The following ZSWIM4 variants were observed in gnomAD, a reference collection of about 807,000 sequenced individuals.
ZSWIM4 encodes the protein zinc finger SWIM-type containing 4, also known as zinc finger SWIM domain-containing protein 4.
Under a neutral mutation model 102.5 loss-of-function variants are expected in ZSWIM4, and 62 were observed. The ratio of observed to expected loss-of-function variants is 0.60; its 90% CI spans 0.49 to 0.75. ZSWIM4 has a LOEUF of 0.75. Ranked by LOEUF, ZSWIM4 falls within the 30% of genes least tolerant of loss-of-function variation. The pLI is 0.00. For missense variants in ZSWIM4, 1,280 were observed against 1,529.6 expected (o/e 0.84, Z 2.72); for synonymous variants, 652 against 674.5 (o/e 0.97, Z 0.52).
intron 3 of ZSWIM4, among the ~76,000 whole-genome samples, chr19:13,807,615 G>GATGGATGT (rs1286895713): frequency 2.7e-5 from 4 of 148,214 alleles, no homozygotes; most frequent in African/African-American, 5.2e-5. Context: ...TGGATGGATG[G>GATGGATGT]ATGAATATTA....
In ZSWIM4 at chr19:13,819,463, G is replaced by A; in HGVS notation, c.2031G>A (p.Leu677=). 6.2e-7 allele frequency: 1 copy of A among 1,608,170 alleles called. No homozygotes were observed. The highest frequency in any genetic ancestry group is 8.5e-7 in the Non-Finnish European group (1 of 1,177,494). The change falls in exon 10 of 14, where the codon CTG becomes CTA. Residue 677 remains leucine, a synonymous_variant. Coordinates refer to ENST00000590508, the MANE Select transcript of ZSWIM4 (RefSeq NM_001367834.3). The part of the protein sequence containing the change: ...FTALLPHDPD[L]AYRLALRAMR... Reference sequence around the variant, plus strand: ...CACTGCTGCCTCATGACCCGGACCTGGCCTATCGCCTCGCGCTGCGAGCTA... The same window carrying A: ...CACTGCTGCCTCATGACCCGGACCTAGCCTATCGCCTCGCGCTGCGAGCTA...
chr19:13,824,603 G>C (rs1442170932), intron 11 of ZSWIM4, among the ~76,000 whole-genome samples: 1 of 151,566 alleles, frequency 6.6e-6, no homozygotes. Context: ...GTGGTGACCG[G>C]CACCTGTAAT....
intron 2 of ZSWIM4, among the ~76,000 whole-genome samples, chr19:13,803,531 C>T (rs557420984): frequency 6.6e-6 from 1 of 151,824 alleles, no homozygotes; most frequent in Non-Finnish European, 1.5e-5. Flanking sequence ...CCTATAATCC[C>T]AGCACTTTGG....
At chr19:13,807,988 A>G (rs895276987) in intron 3 of ZSWIM4, among the ~76,000 whole-genome samples, 4 of 152,174 alleles carry the variant, frequency 2.6e-5, no homozygotes, top group Admixed American at 6.6e-5. Context: ...CAGGAAACTT[A>G]CAATCATGGC....
At chr19:13,802,174 C>T (rs1325426643) in intron 2 of ZSWIM4, among the ~76,000 whole-genome samples, 2 of 150,532 alleles carry the variant, frequency 1.3e-5, no homozygotes, top group African/African-American at 4.9e-5. Flanking sequence ...GACGGCGTTT[C>T]ACCGTGTTAG....
intron 7 of ZSWIM4, 101 bp from the exon 8 acceptor site, chr19:13,817,115 T>G: frequency 6.8e-7 from 1 of 1,465,536 alleles, no homozygotes; most frequent in Non-Finnish European, 9.1e-7. Context: ...TGGTGGGCAT[T>G]ATGGGGCTAG....
intron 10 of ZSWIM4, among the ~76,000 whole-genome samples, chr19:13,822,206 AG>A: frequency 7.3e-6 from 1 of 137,548 alleles, no homozygotes; most frequent in Admixed American, 7.5e-5. Flanking sequence ...ACACACACAC[AG>A]TTTGGAGTGT....
In ZSWIM4 at chr19:13,808,887, A is replaced by G; in HGVS notation, c.764A>G (p.His255Arg). The change falls in exon 4 of 14, where the codon CAC becomes CGC. Residue 255 changes from histidine to arginine, a missense_variant. Physicochemically the swap from His to Arg is conservative, Grantham distance 29. Transcript: ENST00000590508. Reference sequence around the variant, plus strand: ...GGAATCGAGGACGCCAACTGCTGGCACCTGGACGAGGAGCAGATCCAGGAG... The same window carrying G: ...GGAATCGAGGACGCCAACTGCTGGCGCCTGGACGAGGAGCAGATCCAGGAG... ...GAGIEDANCW[H>R]LDEEQIQEQV... 6.2e-7 allele frequency: 1 copy of G among 1,612,232 alleles called. No individual in the cohort carries two copies. The highest frequency in any genetic ancestry group is 8.5e-7 in the Non-Finnish European group (1 of 1,179,386).
chr19:13,801,165 A>AAAAG (rs1974762315), intron 2 of ZSWIM4, among the ~76,000 whole-genome samples: 1 of 150,970 alleles, frequency 6.6e-6, no homozygotes, highest in Admixed American at 6.6e-5. Context: ...GAAAAAAAAA[A>AAAAG]AGGAAGAGAG....
chr19:13,797,366 T>G (rs1974639454), intron 1 of ZSWIM4, among the ~76,000 whole-genome samples: 1 of 152,100 alleles, frequency 6.6e-6, no homozygotes, highest in Non-Finnish European at 1.5e-5. Flanking sequence ...TTCCCAGGGA[T>G]GGGGCATGGA....
rs560082993 is a variant in ZSWIM4, at chr19:13,821,318, CA to C, written c.2060+1827del. On this transcript the variant is annotated intron_variant, in intron 10 of 13. Coordinates refer to ENST00000590508, the MANE Select transcript of ZSWIM4 (RefSeq NM_001367834.3). ...AAAAAAGGCCAACTCAATAGTAAACCATGCCCAAAAAGGTGCAACCTATTCC... is the reference window on the plus strand; with the variant it reads ...AAAAAAGGCCAACTCAATAGTAAACCTGCCCAAAAAGGTGCAACCTATTCC... Among the ~76,000 whole-genome samples, 3 of 151,858 alleles carry C rather than the reference CA, an allele frequency of 2.0e-5. No homozygotes were observed. The South Asian group carries it at 6.2e-4, about 32-fold the overall frequency.
rs965011695 is a variant in ZSWIM4, at chr19:13,813,789, C to T, written c.1180+625C>T. On this transcript the variant is annotated intron_variant, in intron 6 of 13. Coordinates refer to ENST00000590508, the MANE Select transcript of ZSWIM4 (RefSeq NM_001367834.3). ...TACAAAAATTAGCTGGGTGTTGTGA[C>T]GCACACCTGGAATCCCGGATACTCA... is the stretch of plus-strand genomic sequence containing the variant. Among the ~76,000 whole-genome samples the T allele has an allele frequency of 3.0e-4, 45 of 151,322 alleles. 2 individuals carry two copies. The highest frequency in any genetic ancestry group is 9.2e-4 in the African/African-American group (38 of 41,218).
rs74181840 is a variant in ZSWIM4 at position 13,825,044 on chromosome 19, CTT to C, written c.2216-493_2216-492del. Among the ~76,000 whole-genome samples the C allele has an allele frequency of 1.0e-4, 11 of 106,596 alleles. No homozygotes were observed. The highest frequency in any genetic ancestry group is 4.3e-3 in the Middle Eastern group (1 of 232). 69.9% of individuals were successfully genotyped at this position (106,596 alleles called of 152,430 possible). A position where few individuals can be genotyped will look rare whatever the true frequency, so the allele number is the denominator to read the frequency against. On this transcript the variant is annotated intron_variant, in intron 11 of 13. Transcript: ENST00000590508. This position sits in a 1 kb window ranked among gnomAD's most constrained non-coding sequence, Gnocchi z 4.6. ...AGGATCCCTAGGTGGCTTTTCTTTT[CTT>C]TTTTTTTTTTTTGAGATGGATATTA... is the stretch of plus-strand genomic sequence containing the variant.
rs1975021541 is a variant in ZSWIM4, at chr19:13,809,693, C to G, written c.1012+473C>G. Among the ~76,000 whole-genome samples the G allele has an allele frequency of 6.6e-6, 1 of 152,184 alleles. No individual in the cohort carries two copies. Among genetic ancestry groups the G allele is most frequent in the Non-Finnish European group, 1.5e-5 (1 of 68,042 alleles). ...ACAGAGTCTCACTATCTTGCCAAGTCTGGTCTTGAACTCCTGGACTCAAGC... is the reference window on the plus strand; with the variant it reads ...ACAGAGTCTCACTATCTTGCCAAGTGTGGTCTTGAACTCCTGGACTCAAGC... On this transcript the variant is annotated intron_variant, in intron 5 of 13. Coordinates refer to ENST00000590508, the MANE Select transcript of ZSWIM4 (RefSeq NM_001367834.3). This position sits in a 1 kb window ranked among gnomAD's most constrained non-coding sequence, Gnocchi z 4.2.
chr19:13,795,808 G>T lies in ZSWIM4; in HGVS notation c.153+7G>T. On this transcript the variant is annotated splice_region_variant and intron_variant, in intron 1 of 13. Transcript: ENST00000590508. ...GAGCTGGGCCTTCGAGCAGGTGACC[G>T]CGGGGGAAGGGGGCGGGGGCAGGGA... The T allele has an allele frequency of 8.0e-7, 1 of 1,247,576 alleles. No individual in the cohort carries two copies. Among genetic ancestry groups the T allele is most frequent in the Non-Finnish European group, 1.0e-6 (1 of 994,526 alleles). The allele number at this position is 1,247,576 out of a possible 1,614,324, so 77.3% of individuals were successfully genotyped here.
intron 13 of ZSWIM4, among the ~76,000 whole-genome samples, 162 bp downstream of exon 13, chr19:13,828,888 C>G (rs1975682762): frequency 6.6e-6 from 1 of 151,360 alleles, no homozygotes; most frequent in South Asian, 2.1e-4. Flanking sequence ...ATCACTTGAG[C>G]CCAGGAGTTC....
intron 2 of ZSWIM4, 144 bp downstream of exon 2, chr19:13,800,065 A>ATTTTTATT (rs1974718654): frequency 3.0e-6 from 1 of 334,366 alleles, no homozygotes; most frequent in African/African-American, 4.7e-5. Flanking sequence ...ATTGTACAAG[A>ATTTTTATT]TTTTTTTTTT....
intron 5 of ZSWIM4, among the ~76,000 whole-genome samples, chr19:13,812,328 C>G (rs1037105748): frequency 6.6e-6 from 1 of 151,958 alleles, no homozygotes; most frequent in Non-Finnish European, 1.5e-5. Context: ...GAGTCTCACT[C>G]TGTTGCCCAG....
At chr19:13,803,129 G>A (rs1003382675) in intron 2 of ZSWIM4, among the ~76,000 whole-genome samples, 6 of 152,216 alleles carry the variant, frequency 3.9e-5, no homozygotes, top group African/African-American at 9.6e-5. Context: ...ATGATGCCCC[G>A]TCGGCTCTAT....
Sources: allele counts gnomAD v4.1 joint callset (sites outside exome capture counted in the v4.1 genomes callset), GRCh38; gene constraint gnomAD v4.1.1; non-coding constraint Gnocchi (gnomAD v3.1); transcripts MANE v1.5; gene names NCBI Gene and HGNC (gene_info 2026-07-23, HGNC 2026-07-21).